The following CNNM2 variants were observed in gnomAD, a reference collection of about 807,000 sequenced individuals.
CNNM2 encodes metal transporter CNNM2.
In CNNM2, 12 loss-of-function variants were observed where a neutral mutation model predicts 66.9. The ratio of observed to expected loss-of-function variants is 0.18; its 90% CI spans 0.11 to 0.29. The LOEUF is 0.29. Ranked by LOEUF, CNNM2 falls within the 10% of genes least tolerant of loss-of-function variation. The pLI is 1.00. For synonymous variants in CNNM2, 557 were observed against 501.8 expected (o/e 1.11, Z -1.47); for missense variants, 705 against 1,167.7 (o/e 0.60, Z 5.77).
intron 1 of CNNM2, among the ~76,000 whole-genome samples, chr10:102,931,136 A>G (rs987353259): frequency 2.0e-5 from 3 of 152,124 alleles, no homozygotes; most frequent in African/African-American, 2.4e-5. Flanking sequence ...GTGAGTCACA[A>G]CTACCTTCCT....
At chr10:103,030,533 G>A (rs1187547557) in intron 1 of CNNM2, among the ~76,000 whole-genome samples, 2 of 152,094 alleles carry the variant, frequency 1.3e-5, no homozygotes, top group South Asian at 2.1e-4. Context: ...TGGCCAACAC[G>A]GTGAAACCCA....
intron 1 of CNNM2, among the ~76,000 whole-genome samples, chr10:103,004,230 CG>C (rs1392378899): frequency 6.6e-6 from 1 of 151,822 alleles, no homozygotes; most frequent in African/African-American, 2.4e-5. Flanking sequence ...CTCGAACTCC[CG>C]ACCTCAGGTG....
At chr10:103,012,639 CTTTT>C (rs78646079) in intron 1 of CNNM2, among the ~76,000 whole-genome samples, 5 of 118,072 alleles carry the variant, frequency 4.2e-5, no homozygotes, top group Admixed American at 2.7e-4. Flanking sequence ...CAGAGCAAGA[CTTTT>C]TTTTTTTTTT....
At position 103,076,244 on chromosome 10, in the gene CNNM2, G is replaced by A; in HGVS notation, c.2392G>A (p.Ala798Thr). 2 of 1,564,186 alleles carry A rather than the reference G, an allele frequency of 1.3e-6. No individual in the cohort carries two copies. The highest frequency in any genetic ancestry group is 1.4e-5 in the African/African-American group (1 of 73,732). The change falls in exon 7 of 8, where the codon GCC becomes ACC. Residue 798 changes from alanine to threonine, a missense_variant. By Grantham distance (58) the Ala-to-Thr change is moderately conservative (BLOSUM62 0). Coordinates refer to ENST00000369878, the MANE Select transcript of CNNM2 (RefSeq NM_017649.5). ...CTACATCCCCGATTACTCGGTGCGAGCCCTTTCGGATCTGCAGTTTGTTAA... is the reference window on the plus strand; with the variant it reads ...CTACATCCCCGATTACTCGGTGCGAACCCTTTCGGATCTGCAGTTTGTTAA... ...QVYIPDYSVR[A>T]LSDLQFVKIS... is the part of the protein sequence containing the mutation.
At position 103,087,140 on chromosome 10, in the gene CNNM2, A is replaced by ATTTTTTTTTTTTTTTTTTTTTTTTT. The variant is rs71019655; in HGVS notation, c.*9968_*9992dup. 4 of 75,380 alleles carry ATTTTTTTTTTTTTTTTTTTTTTTTT rather than the reference A, an allele frequency of 5.3e-5. No homozygotes were observed. The highest frequency in any genetic ancestry group is 4.7e-4 in the South Asian group (1 of 2,114). The allele number at this position is 75,380 out of a possible 1,614,324, so 4.7% of individuals were successfully genotyped here. A position where few individuals can be genotyped will look rare whatever the true frequency, so the allele number is the denominator to read the frequency against. On this transcript the variant is annotated 3_prime_UTR_variant, in exon 8 of 8. Coordinates refer to ENST00000369878, the MANE Select transcript of CNNM2 (RefSeq NM_017649.5). ...TTCTCACGGTATAAAACTCCGCAGGATTTTTTTTTTTTTTTTTTTTTTTTT... is the reference window on the plus strand; with the variant it reads ...TTCTCACGGTATAAAACTCCGCAGGATTTTTTTTTTTTTTTTTTTTTTTTTTTTTTTTTTTTTTTTTTTTTTTTTT...
intron 1 of CNNM2, among the ~76,000 whole-genome samples, chr10:102,922,043 T>G (rs1845659496): frequency 1.3e-5 from 2 of 152,232 alleles, no homozygotes; most frequent in Non-Finnish European, 2.9e-5. Context: ...CAGTATTTTT[T>G]TGAAATGTAT....
intron 1 of CNNM2, among the ~76,000 whole-genome samples, chr10:103,031,836 TGC>T (rs1491065266): frequency 9.9e-5 from 3 of 30,226 alleles, no homozygotes; most frequent in Non-Finnish European, 5.4e-5. Context: ...AAGTACAAAA[TGC>T]GGGGGGGGCG....
rs1239511464 is a variant in CNNM2 at position 103,080,155 on chromosome 10, C to G, written c.*2975C>G. 1 of 152,158 alleles carries G rather than the reference C, an allele frequency of 6.6e-6. No homozygotes were observed. The highest frequency in any genetic ancestry group is 1.5e-5 in the Non-Finnish European group (1 of 68,062). The allele number at this position is 152,158 out of a possible 1,614,324, so 9.4% of individuals were successfully genotyped here. ...GGTCGAGTGGACCAGATGCAGACCC[C>G]TGAGTTCTGGATACTGATGGGAGGC... On this transcript the variant is annotated 3_prime_UTR_variant, in exon 8 of 8. Coordinates refer to ENST00000369878, the MANE Select transcript of CNNM2 (RefSeq NM_017649.5).
intron 1 of CNNM2, among the ~76,000 whole-genome samples, chr10:102,990,257 C>CGCCCGGTTTAAGCCACCGT (rs754997956): frequency 1.3e-5 from 2 of 151,916 alleles, no homozygotes; most frequent in Non-Finnish European, 2.9e-5. Flanking sequence ...TGAGCCACCG[C>CGCCCGGTTTAAGCCACCGT]GCCCGGTTTA....
intron 1 of CNNM2, among the ~76,000 whole-genome samples, chr10:102,983,615 T>A (rs1447453731): frequency 6.6e-6 from 1 of 152,006 alleles, no homozygotes; most frequent in Admixed American, 6.6e-5. Flanking sequence ...GTTTTTTAAA[T>A]TTTTGTGTAG....
At chr10:102,941,489 C>A (rs1365567338) in intron 1 of CNNM2, among the ~76,000 whole-genome samples, 1 of 152,150 alleles carries the variant, frequency 6.6e-6, no homozygotes, top group Non-Finnish European at 1.5e-5. Context: ...TGGGATATGG[C>A]CCCTTCTTTG....
intron 1 of CNNM2, among the ~76,000 whole-genome samples, chr10:103,028,632 T>C (rs1384133329): frequency 6.6e-6 from 1 of 152,118 alleles, no homozygotes; most frequent in African/African-American, 2.4e-5. Context: ...TGGTCATTCC[T>C]CTGGGAAATG....
At chr10:103,046,275 A>T (rs1256649347) in intron 1 of CNNM2, among the ~76,000 whole-genome samples, 1 of 152,048 alleles carries the variant, frequency 6.6e-6, no homozygotes, top group African/African-American at 2.4e-5. Flanking sequence ...GAACTGTTCG[A>T]CTCATGTTCT....
At chr10:103,001,716 A>G (rs1295792632) in intron 1 of CNNM2, among the ~76,000 whole-genome samples, 2 of 152,064 alleles carry the variant, frequency 1.3e-5, no homozygotes, top group South Asian at 4.1e-4. Flanking sequence ...CTAAAGCTAT[A>G]AAACAGGCCA....
chr10:103,075,005 G>C (rs890887259), intron 6 of CNNM2, among the ~76,000 whole-genome samples: 1 of 152,130 alleles, frequency 6.6e-6, no homozygotes, highest in African/African-American at 2.4e-5. Flanking sequence ...ACCTATCTAA[G>C]GGCTATTTTG....
At chr10:103,011,524 A>G (rs1836327503) in intron 1 of CNNM2, among the ~76,000 whole-genome samples, 1 of 152,190 alleles carries the variant, frequency 6.6e-6, no homozygotes, top group African/African-American at 2.4e-5. Context: ...ATTATAAAAA[A>G]TGCTTCAAGA....
intron 1 of CNNM2, among the ~76,000 whole-genome samples, chr10:102,929,426 G>C (rs1032324547): frequency 3.4e-5 from 5 of 148,454 alleles, no homozygotes; most frequent in Non-Finnish European, 7.4e-5. Flanking sequence ...CTGGGTGACA[G>C]AGCAAGAGCA....
intron 4 of CNNM2, among the ~76,000 whole-genome samples, chr10:103,064,564 C>T (rs559682822): frequency 6.6e-6 from 1 of 152,260 alleles, no homozygotes; most frequent in Admixed American, 6.5e-5. Flanking sequence ...CTTTATTTTG[C>T]CCTGGCACGG....
chr10:103,001,645 C>G (rs1379898874), intron 1 of CNNM2, among the ~76,000 whole-genome samples: 2 of 151,944 alleles, frequency 1.3e-5, no homozygotes, highest in East Asian at 1.9e-4. Flanking sequence ...GGAAATAGAC[C>G]CCTTCCTTAT....
Sources: allele counts gnomAD v4.1 joint callset (sites outside exome capture counted in the v4.1 genomes callset), GRCh38; gene constraint gnomAD v4.1.1; transcripts MANE v1.5; gene names NCBI Gene and HGNC (gene_info 2026-07-23, HGNC 2026-07-21).